GATAD2B: variants seen among roughly 807,000 people sequenced by gnomAD.
GATAD2B encodes GATA zinc finger domain containing 2B, also known as transcriptional repressor p66-beta.
Under a neutral mutation model 64.3 loss-of-function variants are expected in GATAD2B, and 8 were observed. The ratio of observed to expected loss-of-function variants is 0.12; its 90% CI spans 0.07 to 0.22. The LOEUF (loss-of-function observed/expected upper bound fraction) is 0.22, where lower values mean the gene tolerates loss of function less well. Among genes scored for constraint, GATAD2B ranks in the 10% least tolerant of loss-of-function variants. GATAD2B has a pLI of 1.00. For synonymous variants in GATAD2B, 281 were observed against 271.3 expected, an observed-to-expected ratio of 1.04 and a Z score of -0.35; for missense variants, 453 against 752.0, an observed-to-expected ratio of 0.60 and a Z score of 4.65.
chr1:153,885,437 A>G (rs1677148390), intron 1 of GATAD2B, among the ~76,000 whole-genome samples: 1 of 152,090 alleles, frequency 6.6e-6, no homozygotes, highest in South Asian at 2.1e-4. Context: ...ATTTTAAAAA[A>G]GGGGCTGGGC....
intron 1 of GATAD2B, among the ~76,000 whole-genome samples, chr1:153,909,245 GCT>G (rs1336363830): frequency 2.0e-5 from 3 of 151,622 alleles, no homozygotes; most frequent in African/African-American, 7.3e-5. Flanking sequence ...ACGGAGTCTT[GCT>G]CTGTCGCCCA....
intron 2 of GATAD2B, 74 bp downstream of exon 2, chr1:153,827,939 C>T: frequency 2.0e-6 from 2 of 1,020,570 alleles, no homozygotes; most frequent in South Asian, 3.0e-5. Flanking sequence ...ACCCTCCTCT[C>T]ATTGGAATTC....
chr1:153,840,424 G>A lies in GATAD2B; in HGVS notation c.-1-12076C>T, dbSNP rs1228640927. 1.1e-4 allele frequency among the ~76,000 whole-genome samples: 16 copies of A among 151,652 alleles called. No individual in the cohort carries two copies. The South Asian group carries it at 2.1e-3, about 20-fold the overall frequency. On this transcript the variant is annotated intron_variant, in intron 1 of 10. Transcript: ENST00000368655. ...GCGATCTCGGCTCACCGCAACCTCC[G>A]CCTCCTGGGTTCAAGCAATTCTCCT...
intron 1 of GATAD2B, among the ~76,000 whole-genome samples, chr1:153,885,025 G>A (rs1013498552): frequency 2.6e-5 from 4 of 152,088 alleles, no homozygotes; most frequent in African/African-American, 9.7e-5. Flanking sequence ...CCAAAGTGCT[G>A]AGATTACAGG....
In GATAD2B at chr1:153,922,716, A is replaced by AG. The variant is rs1678496787; in HGVS notation, c.-2+16dup. ...GGCGGGCGGGCGGCCAGGCTGGCCT[A>AG]GGCCAAAGCTCCTCACCTGGCGGTG... On this transcript the variant is annotated intron_variant, in intron 1 of 10. Coordinates refer to ENST00000368655, the MANE Select transcript of GATAD2B (RefSeq NM_020699.4). 1.3e-5 allele frequency: 2 copies of AG among 150,738 alleles called. No homozygotes were observed. The highest frequency in any genetic ancestry group is 3.0e-5 in the Non-Finnish European group (2 of 67,770). The allele number at this position is 150,738 out of a possible 1,614,324, so 9.3% of individuals were successfully genotyped here. A position where few individuals can be genotyped will look rare whatever the true frequency, so the allele number is the denominator to read the frequency against.
At chr1:153,827,483 T>C (rs1426588995) in intron 2 of GATAD2B, 1 of 153,710 alleles carries the variant, frequency 6.5e-6, no homozygotes, top group Non-Finnish European at 1.4e-5. Context: ...GTAACATACA[T>C]GTACAAGTGA....
chr1:153,818,146 G>A lies in GATAD2B; in HGVS notation c.623C>T (p.Ser208Phe). The change falls in exon 5 of 11, where the codon TCT becomes TTT. Residue 208 changes from serine to phenylalanine, a missense_variant. Ser to Phe is a radical substitution (Grantham distance 155, BLOSUM62 -2). Around this residue, in one of 2 missense-constraint regions of GATAD2B, gnomAD observed 293 missense variants for 417.2 expected, o/e 0.70. Transcript: ENST00000368655. ...ATGGGCAGGAGATGGCTGAACAATA[G>A]ATGCTGCATTCTGTACAACTGGAGT... is the stretch of plus-strand genomic sequence containing the variant. Reference protein sequence around the residue: ...QKTPVVQNAASIVQPSPAHVG... With the variant: ...QKTPVVQNAAFIVQPSPAHVG... 1 of 1,612,140 alleles carries A rather than the reference G, an allele frequency of 6.2e-7. No individual in the cohort carries two copies. The highest frequency in any genetic ancestry group is 8.5e-7 in the Non-Finnish European group (1 of 1,179,076).
intron 1 of GATAD2B, among the ~76,000 whole-genome samples, chr1:153,851,660 C>T (rs1172079031): frequency 6.6e-6 from 1 of 151,704 alleles, no homozygotes; most frequent in Non-Finnish European, 1.5e-5. Flanking sequence ...AGGTAGTATT[C>T]CTATTTGAGA....
intron 1 of GATAD2B, among the ~76,000 whole-genome samples, chr1:153,849,632 C>T (rs1400499791): frequency 6.6e-6 from 1 of 151,934 alleles, no homozygotes; most frequent in Non-Finnish European, 1.5e-5. Context: ...TTAAATTTGA[C>T]CTTGTTTTTT....
intron 1 of GATAD2B, among the ~76,000 whole-genome samples, chr1:153,874,451 T>C (rs570649506): frequency 1.3e-5 from 2 of 152,308 alleles, no homozygotes; most frequent in East Asian, 1.9e-4. Context: ...TAATGCTTAT[T>C]AGCCATGTCA....
In GATAD2B at chr1:153,818,916, C is replaced by T; in HGVS notation, c.472G>A (p.Gly158Ser). Residue 158 changes from glycine to serine, a missense_variant, in exon 4 of 11, where the codon GGC becomes AGC. Around this residue, in one of 2 missense-constraint regions of GATAD2B, gnomAD observed 293 missense variants for 417.2 expected, o/e 0.70. Coordinates refer to ENST00000368655, the MANE Select transcript of GATAD2B (RefSeq NM_020699.4). Reference protein sequence around the residue: ...AANLEMFKGKGIEERQQLIKQ... With the variant: ...AANLEMFKGKSIEERQQLIKQ... ...ATAAGCTGCTGCCGCTCCTCAATGCCTTTCCCCTAAGGAAACAAGAAGACT... is the reference window on the plus strand; with the variant it reads ...ATAAGCTGCTGCCGCTCCTCAATGCTTTTCCCCTAAGGAAACAAGAAGACT... 6.2e-7 allele frequency: 1 copy of T among 1,610,246 alleles called. No individual in the cohort carries two copies. Among genetic ancestry groups the T allele is most frequent in the Admixed American group, 1.7e-5 (1 of 59,966 alleles).
rs191440835 is a variant in GATAD2B at position 153,805,835 on chromosome 1, G to A, written c.*4342C>T. Reference sequence around the variant, plus strand: ...GATTGTAGCCCCCTCAACCCCTTTTGTGTTGGTGGTTCTTTTTACTCTACA... The same window carrying A: ...GATTGTAGCCCCCTCAACCCCTTTTATGTTGGTGGTTCTTTTTACTCTACA... On this transcript the variant is annotated 3_prime_UTR_variant, in exon 11 of 11. Transcript: ENST00000368655. 2 of 152,308 alleles carry A rather than the reference G, an allele frequency of 1.3e-5. No individual in the cohort carries two copies. The highest frequency in any genetic ancestry group is 1.9e-4 in the East Asian group (1 of 5,176). The allele number at this position is 152,308 out of a possible 1,614,324, so 9.4% of individuals were successfully genotyped here.
chr1:153,895,447 G>C (rs1677557253), intron 1 of GATAD2B, among the ~76,000 whole-genome samples: 1 of 152,038 alleles, frequency 6.6e-6, no homozygotes. Flanking sequence ...AGTCGTGGTG[G>C]CACATGCATG....
At chr1:153,837,493 T>C (rs1570945618) in intron 1 of GATAD2B, among the ~76,000 whole-genome samples, 1 of 152,130 alleles carries the variant, frequency 6.6e-6, no homozygotes, top group East Asian at 1.9e-4. Context: ...TGCAAGTAGA[T>C]AGTGGTGATG....
intron 1 of GATAD2B, among the ~76,000 whole-genome samples, chr1:153,895,241 A>G (rs1422862492): frequency 6.6e-6 from 1 of 151,896 alleles, no homozygotes; most frequent in African/African-American, 2.4e-5. Flanking sequence ...CTGAAGCATG[A>G]GAGAATCAGG....
intron 1 of GATAD2B, among the ~76,000 whole-genome samples, chr1:153,875,525 A>G (rs1676796899): frequency 6.6e-6 from 1 of 152,102 alleles, no homozygotes. Flanking sequence ...AGATAATAAC[A>G]TTTTAGACTT....
At chr1:153,896,441 T>C (rs955334058) in intron 1 of GATAD2B, among the ~76,000 whole-genome samples, 14 of 150,828 alleles carry the variant, frequency 9.3e-5, no homozygotes, top group African/African-American at 2.9e-4. Context: ...TTCTTTTTTT[T>C]TTTTTTTTTT....
intron 1 of GATAD2B, among the ~76,000 whole-genome samples, chr1:153,889,219 C>T (rs976514771): frequency 6.6e-6 from 1 of 151,626 alleles, no homozygotes; most frequent in Non-Finnish European, 1.5e-5. Context: ...TCGAGACAAG[C>T]CTGACCAACA....
At chr1:153,852,212 G>A in intron 1 of GATAD2B, 4 of 1,074,818 alleles carry the variant, frequency 3.7e-6, no homozygotes, top group Non-Finnish European at 5.7e-6. Context: ...GGACCTACCA[G>A]CCAGTTGAGG....
Sources: allele counts gnomAD v4.1 joint callset (sites outside exome capture counted in the v4.1 genomes callset), GRCh38; gene constraint gnomAD v4.1.1; regional missense constraint gnomAD v4.1.1; transcripts MANE v1.5; gene names NCBI Gene and HGNC (gene_info 2026-07-23, HGNC 2026-07-21).